The following MRPL45 variants were observed in gnomAD, a reference collection of about 807,000 sequenced individuals.
MRPL45 encodes the protein large ribosomal subunit protein mL45.
Under a neutral mutation model 38.1 loss-of-function variants are expected in MRPL45, and 20 were observed. That is an observed-to-expected ratio of 0.53 (90% CI 0.37 to 0.76). The LOEUF (loss-of-function observed/expected upper bound fraction) is 0.76, where lower values mean the gene tolerates loss of function less well. Ranked by LOEUF, MRPL45 falls within the 30% of genes least tolerant of loss-of-function variation. The pLI, the probability that MRPL45 is intolerant of heterozygous loss-of-function variation, is 0.00. For synonymous variants in MRPL45, 105 were observed against 128.8 expected (o/e 0.82, Z 1.25); for missense variants, 337 against 395.6 (o/e 0.85, Z 1.26).
At chr17:38,320,589 C>T in intron 5 of MRPL45, 29 bp from the exon 6 acceptor site, 2 of 1,607,986 alleles carry the variant, frequency 1.2e-6, no homozygotes, top group Non-Finnish European at 1.7e-6. Context: ...GGGAAAAATG[C>T]AGTTGAACTT....
Position 38,322,786 on chromosome 17 carries a change from C to T in MRPL45, c.*191C>T. The T allele has an allele frequency of 1.8e-6, 1 of 556,498 alleles. No homozygotes were observed. 34.5% of individuals were successfully genotyped at this position (556,498 alleles called of 1,614,324 possible). A position where few individuals can be genotyped will look rare whatever the true frequency, so the allele number is the denominator to read the frequency against. On this transcript the variant is annotated 3_prime_UTR_variant, in exon 8 of 8. Transcript: ENST00000613675. ...CTAGCAGGTGGCAGGTATAACATGG[C>T]CATGGACACTCTTCTTTTTTAAATT...
chr17:38,320,275 A>C (rs1051937315), intron 5 of MRPL45, among the ~76,000 whole-genome samples: 6 of 152,202 alleles, frequency 3.9e-5, no homozygotes, highest in Non-Finnish European at 8.8e-5. Context: ...ACACAAGTAC[A>C]TGCAATAATT....
At chr17:38,313,890 T>G (rs2037149934) in intron 4 of MRPL45, among the ~76,000 whole-genome samples, 1 of 151,942 alleles carries the variant, frequency 6.6e-6, no homozygotes. Flanking sequence ...CTCGAACTCC[T>G]GACCTCAGAT....
intron 3 of MRPL45, among the ~76,000 whole-genome samples, chr17:38,305,648 CT>C (rs769373843): frequency 5.9e-5 from 8 of 136,204 alleles, no homozygotes; most frequent in Non-Finnish European, 4.7e-5. Flanking sequence ...CCATGCCCAG[CT>C]TTTTTTTTTT....
At chr17:38,304,411 G>A (rs1291726111) in intron 3 of MRPL45, among the ~76,000 whole-genome samples, 2 of 152,244 alleles carry the variant, frequency 1.3e-5, no homozygotes, top group Non-Finnish European at 2.9e-5. Context: ...CAGAGGTCAA[G>A]GCTGCAGTGA....
chr17:38,322,397 A>ACCAC, intron 7 of MRPL45, 98 bp downstream of exon 7: 1 of 530,966 alleles, frequency 1.9e-6, no homozygotes, highest in Non-Finnish European at 2.8e-6. Context: ...GGGGTGATGC[A>ACCAC]CCACCCAGGA....
In MRPL45 at chr17:38,298,507, C is replaced by G; in HGVS notation, c.125C>G (p.Thr42Arg). 6.2e-7 allele frequency: 1 copy of G among 1,614,004 alleles called. No homozygotes were observed. Among genetic ancestry groups the G allele is most frequent in the South Asian group, 1.1e-5 (1 of 91,080 alleles). Residue 42 changes from threonine to arginine, a missense_variant, in exon 2 of 8, where the codon ACA becomes AGA. This residue lies in a region of MRPL45 where 60 missense variants were observed against 109.6 expected (regional missense o/e 0.55). Coordinates refer to ENST00000613675, the MANE Select transcript of MRPL45 (RefSeq NM_032351.6). ...IVPVRTKKRF[T>R]PPIYQPKFKT... The stretch of plus-strand genomic sequence containing the variant: ...CCAGTAAGAACTAAAAAACGTTTCA[C>G]ACCTCCTATTTATCAACCTAAATTT...
rs867427930 is a variant in MRPL45 at position 38,302,506 on chromosome 17, G to A, written c.362+3038G>A. 8.5e-4 allele frequency among the ~76,000 whole-genome samples: 33 copies of A among 39,042 alleles called. 2 individuals are homozygous for A. Among genetic ancestry groups the A allele is most frequent in the East Asian group, 3.7e-3 (2 of 538 alleles). 25.6% of individuals were successfully genotyped at this position (39,042 alleles called of 152,430 possible). Reference sequence around the variant, plus strand: ...CATCTCAAAAAAAAAAAAAAAAAAAGTTTGTTTTTTTTTTTTTTTTTTAGA... The same window carrying A: ...CATCTCAAAAAAAAAAAAAAAAAAAATTTGTTTTTTTTTTTTTTTTTTAGA... On this transcript the variant is annotated intron_variant, in intron 3 of 7. Coordinates refer to ENST00000613675, the MANE Select transcript of MRPL45 (RefSeq NM_032351.6).
In MRPL45 at chr17:38,322,655, C is replaced by T. The variant is rs1238352098; in HGVS notation, c.*60C>T. 7.7e-6 allele frequency: 10 copies of T among 1,292,730 alleles called. No individual in the cohort carries two copies. Among genetic ancestry groups the T allele is most frequent in the East Asian group, 7.0e-5 (3 of 42,848 alleles). 80.1% of individuals were successfully genotyped at this position (1,292,730 alleles called of 1,614,324 possible). ...ATGAGGCTGCTGGAAGCTTTGAAGTCTCCCATTCCCCTCATGCTATAAAAA... is the reference window on the plus strand; with the variant it reads ...ATGAGGCTGCTGGAAGCTTTGAAGTTTCCCATTCCCCTCATGCTATAAAAA... On this transcript the variant is annotated 3_prime_UTR_variant, in exon 8 of 8. Transcript: ENST00000613675.
intron 5 of MRPL45, 89 bp from the exon 6 acceptor site, chr17:38,320,529 G>A: frequency 4.3e-6 from 6 of 1,386,588 alleles, no homozygotes; most frequent in South Asian, 2.5e-5. Flanking sequence ...GTTGGCTGTA[G>A]TCTTGCAGGA....
chr17:38,317,158 A>G (rs1050743383), intron 4 of MRPL45, among the ~76,000 whole-genome samples: 2 of 152,220 alleles, frequency 1.3e-5, no homozygotes, highest in African/African-American at 4.8e-5. Context: ...CAAAATAGTA[A>G]GTGAACTCAT....
At chr17:38,299,733 ATATT>A (rs1309371665) in intron 3 of MRPL45, among the ~76,000 whole-genome samples, 1 of 151,058 alleles carries the variant, frequency 6.6e-6, no homozygotes, top group Non-Finnish European at 1.5e-5. Context: ...TTTTAATCAT[ATATT>A]TAATTTTTTT....
intron 3 of MRPL45, among the ~76,000 whole-genome samples, chr17:38,306,271 T>G (rs1478158133): frequency 6.6e-6 from 1 of 151,924 alleles, no homozygotes; most frequent in Non-Finnish European, 1.5e-5. Flanking sequence ...TAGCCGCGTG[T>G]GGTCGCGGGC....
At chr17:38,307,843 C>G (rs1017585154) in intron 4 of MRPL45, among the ~76,000 whole-genome samples, 2 of 37,856 alleles carry the variant, frequency 5.3e-5, no homozygotes, top group African/African-American at 1.0e-4. Flanking sequence ...ACTTTTATTT[C>G]TTTAAAAAAA....
chr17:38,312,129 C>T (rs2144223418), intron 4 of MRPL45, among the ~76,000 whole-genome samples: 1 of 151,410 alleles, frequency 6.6e-6, no homozygotes, highest in South Asian at 2.1e-4. Flanking sequence ...TCACTGCAAC[C>T]TTTGCCTCCT....
At chr17:38,301,701 A>G (rs1259693650) in intron 3 of MRPL45, among the ~76,000 whole-genome samples, 1 of 152,242 alleles carries the variant, frequency 6.6e-6, no homozygotes, top group Admixed American at 6.5e-5. Flanking sequence ...GTGATGATGA[A>G]CAAAGCACAT....
chr17:38,305,469 A>G (rs895323223), intron 3 of MRPL45, among the ~76,000 whole-genome samples: 3 of 120,694 alleles, frequency 2.5e-5, no homozygotes, highest in Non-Finnish European at 4.8e-5. Flanking sequence ...ACTCTGTCTC[A>G]AAAAAAAAAA....
chr17:38,318,828 T>TTTTC, intron 5 of MRPL45, 93 bp downstream of exon 5: 2 of 25,940 alleles, frequency 7.7e-5, no homozygotes, highest in Non-Finnish European at 5.0e-4. Flanking sequence ...TTTTCTTTTC[T>TTTTC]TTTTTTTTTT....
chr17:38,321,121 G>A (rs1461144435), intron 6 of MRPL45, among the ~76,000 whole-genome samples: 2 of 151,984 alleles, frequency 1.3e-5, no homozygotes, highest in African/African-American at 2.4e-5. Flanking sequence ...GACTACAGGG[G>A]CACGCAACCA....
Sources: allele counts gnomAD v4.1 joint callset (sites outside exome capture counted in the v4.1 genomes callset), GRCh38; gene constraint gnomAD v4.1.1; regional missense constraint gnomAD v4.1.1; transcripts MANE v1.5; gene names NCBI Gene and HGNC (gene_info 2026-07-23, HGNC 2026-07-21).